Variants in COL9A2 observed in about 807,000 individuals in gnomAD.
COL9A2 encodes the protein collagen alpha-2(IX) chain.
In COL9A2, 66 loss-of-function variants were observed where a neutral mutation model predicts 111.6. The ratio of observed to expected loss-of-function variants is 0.59; its 90% CI spans 0.48 to 0.73. COL9A2 has a LOEUF of 0.73. COL9A2 is among the 30% of genes least tolerant of loss of function. COL9A2 has a pLI of 0.00. For synonymous variants in COL9A2, 353 were observed against 364.1 expected (o/e 0.97, Z 0.35); for missense variants, 881 against 954.1 (o/e 0.92, Z 1.01).
Position 40,300,908 on chromosome 1 carries a change from T to C in COL9A2, c.*274A>G. 2.2e-6 allele frequency: 1 copy of C among 461,776 alleles called. No homozygotes were observed. The highest frequency in any genetic ancestry group is 3.9e-6 in the Non-Finnish European group (1 of 253,648). 28.6% of individuals were successfully genotyped at this position (461,776 alleles called of 1,614,324 possible). ...GATGTTTGTTTTGGTAACAGCCGAA[T>C]GATGCTCGCTGGAAGGAAAGCCGCC... On this transcript the variant is annotated 3_prime_UTR_variant, in exon 32 of 32. Transcript: ENST00000372748. This position sits in a 1 kb window ranked among gnomAD's most constrained non-coding sequence, Gnocchi z 4.4.
rs776579939 is a variant in COL9A2 at position 40,303,650 on chromosome 1, G to T, written c.1428C>A (p.Tyr476Ter). 1 of 1,581,850 alleles carries T rather than the reference G, an allele frequency of 6.3e-7. No individual in the cohort carries two copies. The highest frequency in any genetic ancestry group is 2.3e-5 in the East Asian group (1 of 43,116). ...GQQGVRGEPG[Y>*]PGPSGDAGAP... ...CGCCCGCATCCCCGCTGGGGCCAGG[G>T]TAGCCGGGTTCTCCACGTACTCCTT... The change falls in exon 28 of 32, where the codon TAC (tyrosine) becomes TAA (stop). Residue 476 changes from tyrosine to a stop codon, truncating the protein, a stop_gained. Transcript: ENST00000372748. LOFTEE classifies it high-confidence loss of function. This position sits in a 1 kb window ranked among gnomAD's most constrained non-coding sequence, Gnocchi z 4.6.
chr1:40,307,753 G>T lies in COL9A2; in HGVS notation c.904C>A (p.Pro302Thr). The stretch of plus-strand genomic sequence containing the variant: ...CCATCCTTGCCGTTGATGCCTGGGG[G>T]GCCCTACCCAGGAGGAAAGTTCAAG... ...GITGPKGATG[P>T]PGINGKDGTP... Residue 302 changes from proline (P) to threonine (T), a missense_variant, in exon 18 of 32, where the codon CCC (proline) becomes ACC (threonine). By Grantham distance (38) the Pro-to-Thr change is conservative. Coordinates refer to ENST00000372748, the MANE Select transcript of COL9A2 (RefSeq NM_001852.4). The surrounding 1 kb of genome is among the most constrained non-coding windows in gnomAD (Gnocchi z 4.8). 6.2e-7 allele frequency: 1 copy of T among 1,614,098 alleles called. No homozygotes were observed. Among genetic ancestry groups the T allele is most frequent in the Non-Finnish European group, 8.5e-7 (1 of 1,179,982 alleles).
At position 40,311,135 on chromosome 1, in the gene COL9A2, G is replaced by A; in HGVS notation, c.588C>T (p.Gly196=). Residue 196 remains glycine (G), a synonymous_variant, in exon 12 of 32, where the codon GGC becomes GGT. Transcript: ENST00000372748. The surrounding 1 kb of genome is among the most constrained non-coding windows in gnomAD (Gnocchi z 5.1). Reference sequence around the variant, plus strand: ...CAGGATCACCCAGAATCCCGCGTTTGCCCGCATGCCCCTGAAGGGAAGGAG... The same window carrying A: ...CAGGATCACCCAGAATCCCGCGTTTACCCGCATGCCCCTGAAGGGAAGGAG... ...PGLQGVKGHA[G]KRGILGDPGH... is the part of the protein sequence containing the mutation. The A allele has an allele frequency of 1.9e-6, 3 of 1,614,188 alleles. No individual in the cohort carries two copies. Among genetic ancestry groups the A allele is most frequent in the Non-Finnish European group, 2.5e-6 (3 of 1,180,024 alleles).
chr1:40,315,147 C>A, intron 2 of COL9A2: 6 of 894,108 alleles, frequency 6.7e-6, no homozygotes, highest in Non-Finnish European at 6.8e-6. Flanking sequence ...ACAAGCCCAG[C>A]TGATTCTAAA....
intron 16 of COL9A2, among the ~76,000 whole-genome samples, chr1:40,309,730 C>T (rs1230818877): frequency 6.6e-6 from 1 of 151,904 alleles, no homozygotes; most frequent in Non-Finnish European, 1.5e-5. Context: ...ACTACACACA[C>T]TCACAGACAG....
chr1:40,301,421 TGTCTC>T (rs748710645), intron 31 of COL9A2, 40 bp from the exon 32 acceptor site: 13 of 1,560,706 alleles, frequency 8.3e-6, no homozygotes, highest in African/African-American at 2.7e-5. Flanking sequence ...GGGCACCTCT[TGTCTC>T]AGGCCCAGAA....
chr1:40,305,899 A>G (rs1260153724), intron 20 of COL9A2, 131 bp from the exon 21 acceptor site: 1 of 877,522 alleles, frequency 1.1e-6, no homozygotes, highest in Non-Finnish European at 1.9e-6. Flanking sequence ...TTCTTGGTTC[A>G]ATCCTCTTGG....
chr1:40,302,832 GGAGA>G lies in COL9A2; in HGVS notation c.1604-27_1604-24del. 1 of 1,510,122 alleles carries G rather than the reference GGAGA, an allele frequency of 6.6e-7. No homozygotes were observed. The highest frequency in any genetic ancestry group is 1.5e-5 in the African/African-American group (1 of 68,852). 93.5% of individuals were successfully genotyped at this position (1,510,122 alleles called of 1,614,324 possible). ...GCTCTGGAGGGAGGGAGGGAGGGAG[GGAGA>G]GGGAAGTCTATGAGATGGGTGTCAG... On this transcript the variant is annotated intron_variant, in intron 29 of 31. Coordinates refer to ENST00000372748, the MANE Select transcript of COL9A2 (RefSeq NM_001852.4). The surrounding 1 kb of genome is among the most constrained non-coding windows in gnomAD (Gnocchi z 4.5).
In COL9A2 at chr1:40,311,314, T is replaced by G. The variant is rs1454741006; in HGVS notation, c.520-28A>C. On this transcript the variant is annotated intron_variant, in intron 10 of 31. Transcript: ENST00000372748. The surrounding 1 kb of genome is among the most constrained non-coding windows in gnomAD (Gnocchi z 5.1). The stretch of plus-strand genomic sequence containing the variant: ...GGAAACAGAAAATCCCACAGGGTCC[T>G]GTGATCAGCTGGGCAGTGCGCCCCC... 1.9e-6 allele frequency: 3 copies of G among 1,610,852 alleles called. No individual in the cohort carries two copies. Among genetic ancestry groups the G allele is most frequent in the Non-Finnish European group, 2.5e-6 (3 of 1,178,536 alleles).
rs759612204 is a variant in COL9A2 at position 40,309,961 on chromosome 1, G to A, written c.823C>T (p.Arg275Ter). 2 of 1,613,972 alleles carry A rather than the reference G, an allele frequency of 1.2e-6. No homozygotes were observed. Among genetic ancestry groups the A allele is most frequent in the Non-Finnish European group, 1.7e-6 (2 of 1,180,016 alleles). Residue 275 changes from arginine to a stop codon, truncating the protein, a stop_gained, in exon 16 of 32, where the codon CGA becomes TGA. Coordinates refer to ENST00000372748, the MANE Select transcript of COL9A2 (RefSeq NM_001852.4). LOFTEE classifies it high-confidence loss of function. ...ACCTCGTCACCCTTCTCCCCAGCTCGGCCTGGCGGTCCCCTAGGACCTTCC... is the reference window on the plus strand; with the variant it reads ...ACCTCGTCACCCTTCTCCCCAGCTCAGCCTGGCGGTCCCCTAGGACCTTCC... ...GEEGPRGPPG[R>*]AGEKGDEGSP...
At chr1:40,309,894 C>T (rs1644092159) in intron 16 of COL9A2, 44 bp downstream of exon 16, 2 of 1,607,452 alleles carry the variant, frequency 1.2e-6, no homozygotes, top group African/African-American at 1.3e-5. Flanking sequence ...CTGCCCAGTA[C>T]TCCCCAGGGG....
Position 40,312,178 on chromosome 1 carries a change from A to C in COL9A2, c.364-66T>G, listed in dbSNP as rs1342985645. 7.9e-6 allele frequency: 11 copies of C among 1,384,882 alleles called. No homozygotes were observed. The highest frequency in any genetic ancestry group is 1.1e-5 in the Non-Finnish European group (11 of 992,914). 85.8% of individuals were successfully genotyped at this position (1,384,882 alleles called of 1,614,324 possible). ...TCAGATACCCTGGGCACAAAGGTAG[A>C]GACAGGCACCCAAAGCCCGTTTCTC... On this transcript the variant is annotated intron_variant, in intron 7 of 31. Transcript: ENST00000372748. The surrounding 1 kb of genome is among the most constrained non-coding windows in gnomAD (Gnocchi z 6.0).
chr1:40,312,699 T>A lies in COL9A2; in HGVS notation c.303+32A>T. The A allele has an allele frequency of 6.4e-7, 1 of 1,572,360 alleles. No individual in the cohort carries two copies. Among genetic ancestry groups the A allele is most frequent in the South Asian group, 1.2e-5 (1 of 86,496 alleles). On this transcript the variant is annotated intron_variant, in intron 5 of 31. Transcript: ENST00000372748. The surrounding 1 kb of genome is among the most constrained non-coding windows in gnomAD (Gnocchi z 6.0). Reference sequence around the variant, plus strand: ...CCACTCCCAAACGCTGGCCCTAGATTGCCCACGCTGAGGCCCCAGCAGGCC... The same window carrying A: ...CCACTCCCAAACGCTGGCCCTAGATAGCCCACGCTGAGGCCCCAGCAGGCC...
In COL9A2 at chr1:40,302,003, A is replaced by G; in HGVS notation, c.1793-114T>C. On this transcript the variant is annotated intron_variant, in intron 30 of 31. Transcript: ENST00000372748. This position sits in a 1 kb window ranked among gnomAD's most constrained non-coding sequence, Gnocchi z 4.5. ...CCTGTTTTGTGCTAGTTTGTAATAGAGGAAAGTTGGAAATGGTCACGCAGG... is the reference window on the plus strand; with the variant it reads ...CCTGTTTTGTGCTAGTTTGTAATAGGGGAAAGTTGGAAATGGTCACGCAGG... 9.1e-7 allele frequency: 1 copy of G among 1,098,252 alleles called. No individual in the cohort carries two copies. Among genetic ancestry groups the G allele is most frequent in the South Asian group, 1.4e-5 (1 of 74,072 alleles). 68.0% of individuals were successfully genotyped at this position (1,098,252 alleles called of 1,614,324 possible). A position where few individuals can be genotyped will look rare whatever the true frequency, so the allele number is the denominator to read the frequency against.
At position 40,303,582 on chromosome 1, in the gene COL9A2, C is replaced by T. The variant is rs1643951625; in HGVS notation, c.1496G>A (p.Gly499Glu). ...TGGCACGCCTCGGTTCCCGGCCAGTCCTCGAGGGCCGGGGGGACCAGGGTA... is the reference window on the plus strand; with the variant it reads ...TGGCACGCCTCGGTTCCCGGCCAGTTCTCGAGGGCCGGGGGGACCAGGGTA... ...QGYPGPPGPR[G>E]LAGNRGVPGQ... The change falls in exon 28 of 32, where the codon GGA (glycine) becomes GAA (glutamate). Residue 499 changes from glycine to glutamate, a missense_variant. Coordinates refer to ENST00000372748, the MANE Select transcript of COL9A2 (RefSeq NM_001852.4). The surrounding 1 kb of genome is among the most constrained non-coding windows in gnomAD (Gnocchi z 4.6). 1 of 1,609,866 alleles carries T rather than the reference C, an allele frequency of 6.2e-7. No individual in the cohort carries two copies. Among genetic ancestry groups the T allele is most frequent in the Non-Finnish European group, 8.5e-7 (1 of 1,178,606 alleles).
intron 22 of COL9A2, 85 bp from the exon 23 acceptor site, chr1:40,304,614 G>T: frequency 6.5e-7 from 1 of 1,532,100 alleles, no homozygotes. Context: ...GCATGGTCAG[G>T]GTGCCCTCCA....
In COL9A2 at chr1:40,311,196, C is replaced by T; in HGVS notation, c.576+34G>A. The T allele has an allele frequency of 6.2e-7, 1 of 1,614,194 alleles. No homozygotes were observed. The highest frequency in any genetic ancestry group is 8.5e-7 in the Non-Finnish European group (1 of 1,180,004). On this transcript the variant is annotated intron_variant, in intron 11 of 31. Coordinates refer to ENST00000372748, the MANE Select transcript of COL9A2 (RefSeq NM_001852.4). The surrounding 1 kb of genome is among the most constrained non-coding windows in gnomAD (Gnocchi z 5.1). The stretch of plus-strand genomic sequence containing the variant: ...ACGAGGTCCCCTCCTGTCACCTGCA[C>T]CACCCTCCCAAGATTCAGGCCAGGA...
rs551594645 is a variant in COL9A2 at position 40,307,310 on chromosome 1, T to C, written c.1008+136A>G. The C allele has an allele frequency of 9.4e-6, 8 of 848,500 alleles. No homozygotes were observed. The highest frequency in any genetic ancestry group is 8.4e-5 in the African/African-American group (5 of 59,428). 52.6% of individuals were successfully genotyped at this position (848,500 alleles called of 1,614,324 possible). A position where few individuals can be genotyped will look rare whatever the true frequency, so the allele number is the denominator to read the frequency against. ...GAGTAATTGTCCAAGTAATGAAGCC[T>C]TCGCCAGGCCAGGGGCCACAGAGTT... On this transcript the variant is annotated intron_variant, in intron 19 of 31. Coordinates refer to ENST00000372748, the MANE Select transcript of COL9A2 (RefSeq NM_001852.4). The surrounding 1 kb of genome is among the most constrained non-coding windows in gnomAD (Gnocchi z 4.8).
intron 21 of COL9A2, among the ~76,000 whole-genome samples, chr1:40,305,423 T>C (rs1644011711): frequency 6.6e-6 from 1 of 152,216 alleles, no homozygotes; most frequent in Non-Finnish European, 1.5e-5. Flanking sequence ...GACTCATAGT[T>C]GCAAGTGTTT....
Sources: gnomAD v4.1 joint callset for allele counts (sites outside exome capture counted in the v4.1 genomes callset) on GRCh38, gnomAD v4.1.1 for gene constraint, Gnocchi (gnomAD v3.1) non-coding constraint, MANE v1.5 for transcripts, NCBI Gene and HGNC (gene_info 2026-07-23, HGNC 2026-07-21) for gene names.